The following HECW2 variants were observed in gnomAD, a reference collection of about 807,000 sequenced individuals.
HECW2 encodes the protein E3 ubiquitin-protein ligase HECW2.
Under a neutral mutation model 175.2 loss-of-function variants are expected in HECW2, and 61 were observed. The ratio of observed to expected loss-of-function variants is 0.35; its 90% confidence interval spans 0.28 to 0.43. The LOEUF (loss-of-function observed/expected upper bound fraction) is 0.43. HECW2 is among the 20% of genes least tolerant of loss of function. HECW2 has a pLI of 1.00. For synonymous variants in HECW2, 671 were observed against 731.0 expected (o/e 0.92, Z 1.32); for missense variants, 1,524 against 2,000.5 (o/e 0.76, Z 4.54).
At chr2:196,320,494 C>T (rs1220193199) in intron 7 of HECW2, 55 bp from the exon 8 acceptor site, 14 of 1,150,904 alleles carry the variant, frequency 1.2e-5, no homozygotes, top group African/African-American at 4.6e-5. Context: ...CAGCCTTCGC[C>T]GTCTTTCCAC....
At chr2:196,370,152 C>T (rs1054752688) in intron 2 of HECW2, among the ~76,000 whole-genome samples, 1 of 152,056 alleles carries the variant, frequency 6.6e-6, no homozygotes, top group Non-Finnish European at 1.5e-5. Context: ...CAGCATGTCT[C>T]CAAGTCTCAG....
chr2:196,254,058 A>T, intron 18 of HECW2, 29 bp from the exon 19 acceptor site: 1 of 1,611,104 alleles, frequency 6.2e-7, no homozygotes, highest in South Asian at 1.1e-5. Flanking sequence ...CAAAACGGGC[A>T]CTTCAGCCAA....
chr2:196,406,478 C>T (rs1382825439), intron 2 of HECW2, among the ~76,000 whole-genome samples: 1 of 152,232 alleles, frequency 6.6e-6, no homozygotes, highest in Non-Finnish European at 1.5e-5. Flanking sequence ...ATCTGCACTG[C>T]TACAAGACTG....
intron 1 of HECW2, among the ~76,000 whole-genome samples, chr2:196,534,010 T>C (rs1423344866): frequency 6.6e-6 from 1 of 152,246 alleles, no homozygotes; most frequent in Non-Finnish European, 1.5e-5. Flanking sequence ...TGTTTTTCTG[T>C]TGCTGCTCCC....
chr2:196,230,116 A>G (rs1559450580), intron 21 of HECW2, among the ~76,000 whole-genome samples: 1 of 152,184 alleles, frequency 6.6e-6, no homozygotes, highest in Non-Finnish European at 1.5e-5. Context: ...GCTGAATATA[A>G]CATGCTAACA....
intron 1 of HECW2, among the ~76,000 whole-genome samples, chr2:196,479,121 G>C (rs780817218): frequency 6.6e-6 from 1 of 152,142 alleles, no homozygotes; most frequent in African/African-American, 2.4e-5. Flanking sequence ...TGATCACTGC[G>C]AGCACATACA....
chr2:196,478,304 C>T (rs1224020473), intron 1 of HECW2, among the ~76,000 whole-genome samples: 2 of 152,180 alleles, frequency 1.3e-5, no homozygotes, highest in African/African-American at 4.8e-5. Context: ...GAAGGAAAAA[C>T]ATCCCACTGA....
At chr2:196,445,699 C>T (rs535348436) in intron 1 of HECW2, among the ~76,000 whole-genome samples, 2 of 152,136 alleles carry the variant, frequency 1.3e-5, no homozygotes, top group East Asian at 1.9e-4. Flanking sequence ...TCAGCAGGGG[C>T]TGAAGTAAAG....
intron 2 of HECW2, among the ~76,000 whole-genome samples, chr2:196,391,850 G>A (rs964420304): frequency 6.6e-6 from 1 of 152,144 alleles, no homozygotes; most frequent in Non-Finnish European, 1.5e-5. Context: ...AGCTTCTGAT[G>A]GTTGTTGGCA....
chr2:196,579,952 C>A (rs1690709960), intron 1 of HECW2, among the ~76,000 whole-genome samples: 1 of 152,166 alleles, frequency 6.6e-6, no homozygotes. Context: ...GTAAGTCACC[C>A]AGAGTGTGGT....
chr2:196,383,501 C>A (rs1694265309), intron 2 of HECW2, among the ~76,000 whole-genome samples: 1 of 152,048 alleles, frequency 6.6e-6, no homozygotes. Context: ...GAAGAGAGAG[C>A]AAAGGACAAA....
intron 1 of HECW2, among the ~76,000 whole-genome samples, chr2:196,464,450 T>C (rs548196560): frequency 6.6e-6 from 1 of 152,332 alleles, no homozygotes; most frequent in African/African-American, 2.4e-5. Context: ...CCTTTCAAGA[T>C]ATCAAATTAC....
At chr2:196,413,432 G>A (rs956314672) in intron 2 of HECW2, among the ~76,000 whole-genome samples, 4 of 151,924 alleles carry the variant, frequency 2.6e-5, no homozygotes, top group African/African-American at 9.7e-5. Context: ...TGCAACCTCC[G>A]CCTCCCAGGT....
chr2:196,225,961 C>A, intron 22 of HECW2, 91 bp from the exon 23 acceptor site: 1 of 768,014 alleles, frequency 1.3e-6, no homozygotes, highest in Non-Finnish European at 2.3e-6. Context: ...CAGCGCTAAC[C>A]ATCTAAATTT....
At chr2:196,494,719 C>T (rs568070603) in intron 1 of HECW2, among the ~76,000 whole-genome samples, 2 of 152,312 alleles carry the variant, frequency 1.3e-5, no homozygotes, top group East Asian at 1.9e-4. Context: ...CTTCCCAAGA[C>T]ATTTTCTTCA....
At chr2:196,529,043 A>G (rs1688760121) in intron 1 of HECW2, among the ~76,000 whole-genome samples, 1 of 152,248 alleles carries the variant, frequency 6.6e-6, no homozygotes, top group African/African-American at 2.4e-5. Context: ...AACAGAAATC[A>G]AATGAGGCTG....
chr2:196,491,501 T>TAC (rs56806806), intron 1 of HECW2, among the ~76,000 whole-genome samples: 3,231 of 125,948 alleles, frequency 0.026, 42 homozygotes, highest in Non-Finnish European at 0.039. Context: ...TATATATATA[T>TAC]ACACACACAC....
At chr2:196,519,727 G>A (rs761585774) in intron 1 of HECW2, among the ~76,000 whole-genome samples, 1 of 152,118 alleles carries the variant, frequency 6.6e-6, no homozygotes, top group Non-Finnish European at 1.5e-5. Context: ...AGATTTAAGG[G>A]AAAAATTAAT....
chr2:196,554,258 G>A (rs992672531), intron 1 of HECW2, among the ~76,000 whole-genome samples: 1 of 151,990 alleles, frequency 6.6e-6, no homozygotes, highest in Non-Finnish European at 1.5e-5. Flanking sequence ...CCCGGAAGGC[G>A]GAGCTTGCAG....
Sources: gnomAD v4.1 joint callset for allele counts (sites outside exome capture counted in the v4.1 genomes callset) on GRCh38, gnomAD v4.1.1 for gene constraint, MANE v1.5 for transcripts, NCBI Gene and HGNC (gene_info 2026-07-23, HGNC 2026-07-21) for gene names.